NBAS: variants seen among roughly 807,000 people sequenced by gnomAD.
NBAS encodes NAG/BC035112 fusion.
In NBAS, 219 loss-of-function variants were observed where a neutral mutation model predicts 302.5. The ratio of observed to expected loss-of-function variants is 0.72; its 90% CI spans 0.65 to 0.81. The LOEUF is 0.81. NBAS is among the 30% of genes least tolerant of loss of function. The probability of loss-of-function intolerance (pLI) is 0.00; values close to 1 mark genes in which losing one functional copy is unlikely to be tolerated. For missense variants in NBAS, 2,932 were observed against 2,841.6 expected (o/e 1.03, Z -0.72); for synonymous variants, 1,118 against 1,021.6 (o/e 1.09, Z -1.80).
chr2:15,358,011 T>C lies in NBAS; in HGVS notation c.3818-1595A>G, dbSNP rs573439598. The stretch of plus-strand genomic sequence containing the variant: ...GGAAATGGACTTAAGAAAATCTAAA[T>C]ATCAAACTAAGGTTGTGGAGTGTCT... On this transcript the variant is annotated intron_variant, in intron 32 of 51. Coordinates refer to ENST00000281513, the MANE Select transcript of NBAS (RefSeq NM_015909.4). 7.9e-5 allele frequency among the ~76,000 whole-genome samples: 12 copies of C among 152,204 alleles called. 1 individual carries two copies. In the South Asian group the frequency reaches 1.5e-3, roughly 18 times the overall value.
At chr2:15,293,669 C>G (rs1176057256) in intron 40 of NBAS, among the ~76,000 whole-genome samples, 2 of 151,666 alleles carry the variant, frequency 1.3e-5, no homozygotes, top group African/African-American at 4.9e-5. Context: ...AAAGAATCTA[C>G]CTTTGGTTCT....
chr2:15,148,871 G>C, the NBAS span, among the ~76,000 whole-genome samples: 1 of 152,086 alleles, frequency 6.6e-6, no homozygotes, highest in Non-Finnish European at 1.5e-5. Flanking sequence ...TTTTGTGTTT[G>C]CCAAAATACT....
At chr2:15,385,269 C>T (rs1243468253) in intron 28 of NBAS, among the ~76,000 whole-genome samples, 1 of 152,180 alleles carries the variant, frequency 6.6e-6, no homozygotes, top group African/African-American at 2.4e-5. Flanking sequence ...AGATTGCTTA[C>T]AGGCAGAGAA....
At chr2:15,258,808 T>A (rs1668720434) in intron 44 of NBAS, among the ~76,000 whole-genome samples, 1 of 152,196 alleles carries the variant, frequency 6.6e-6, no homozygotes, top group Non-Finnish European at 1.5e-5. Context: ...AAGCATGTGA[T>A]CTTTGTTCTC....
intron 12 of NBAS, among the ~76,000 whole-genome samples, chr2:15,487,532 A>C (rs1261023096): frequency 6.6e-6 from 1 of 152,200 alleles, no homozygotes; most frequent in Non-Finnish European, 1.5e-5. Context: ...CTATGTACAG[A>C]GTGGACCCAT....
intron 9 of NBAS, among the ~76,000 whole-genome samples, chr2:15,518,760 A>G (rs577931987): frequency 7.2e-5 from 11 of 152,308 alleles, no homozygotes; most frequent in African/African-American, 2.2e-4. Flanking sequence ...ACAGCTCCAC[A>G]TGGCTGGGGA....
Position 15,461,201 on chromosome 2 carries a change from C to T in NBAS, c.2339G>A (p.Cys780Tyr), listed in dbSNP as rs573432112. 1.2e-6 allele frequency: 2 copies of T among 1,613,294 alleles called. No individual in the cohort carries two copies. The highest frequency in any genetic ancestry group is 2.2e-5 in the East Asian group (1 of 44,844). Reference sequence around the variant, plus strand: ...AAATTCTGTTAACATAGTCACATACCAAGCTTCGGGCAGCAAAACAGAATA... The same window carrying T: ...AAATTCTGTTAACATAGTCACATACTAAGCTTCGGGCAGCAAAACAGAATA... ...HEYSVLLPEA[C>Y]FNGDSLMIIP... The change falls in exon 21 of 52, where the codon TGT becomes TAT. Residue 780 changes from cysteine to tyrosine, a missense_variant and splice_region_variant. Coordinates refer to ENST00000281513, the MANE Select transcript of NBAS (RefSeq NM_015909.4).
At chr2:14,959,544 T>C in the NBAS span, among the ~76,000 whole-genome samples, 4 of 152,218 alleles carry the variant, frequency 2.6e-5, no homozygotes, top group African/African-American at 7.2e-5. Context: ...TTATGCTCCT[T>C]AAGAACACAC....
At chr2:15,395,987 C>T (rs1324308124) in intron 27 of NBAS, among the ~76,000 whole-genome samples, 1 of 151,992 alleles carries the variant, frequency 6.6e-6, no homozygotes, top group Non-Finnish European at 1.5e-5. Flanking sequence ...GTATTATGCC[C>T]TAAAAAGGGA....
chr2:15,461,654 C>A, intron 20 of NBAS, 33 bp downstream of exon 20: 1 of 1,233,250 alleles, frequency 8.1e-7, no homozygotes, highest in South Asian at 1.2e-5. Flanking sequence ...GTGTTAATAA[C>A]CATAATTATT....
chr2:15,350,115 G>C (rs1673279631), intron 35 of NBAS, among the ~76,000 whole-genome samples: 1 of 151,978 alleles, frequency 6.6e-6, no homozygotes, highest in Non-Finnish European at 1.5e-5. Context: ...ATTAAAAAAA[G>C]AGTTGTGAGA....
chr2:15,218,304 C>T (rs562541909), intron 48 of NBAS, among the ~76,000 whole-genome samples: 22 of 151,496 alleles, frequency 1.5e-4, no homozygotes, highest in South Asian at 2.1e-4. Flanking sequence ...AAATAAATTT[C>T]GTTGTACATA....
At chr2:14,846,597 A>C in the NBAS span, among the ~76,000 whole-genome samples, 3 of 152,252 alleles carry the variant, frequency 2.0e-5, no homozygotes, top group Non-Finnish European at 2.9e-5. Context: ...AGATGAACCA[A>C]TCAAAAATAA....
At chr2:15,035,285 C>T in the NBAS span, among the ~76,000 whole-genome samples, 3 of 152,136 alleles carry the variant, frequency 2.0e-5, no homozygotes, top group Non-Finnish European at 4.4e-5. Context: ...GAGATACCAT[C>T]TCAAGCCAGT....
intron 45 of NBAS, among the ~76,000 whole-genome samples, chr2:15,236,042 G>C (rs1667576421): frequency 6.6e-6 from 1 of 152,062 alleles, no homozygotes; most frequent in Non-Finnish European, 1.5e-5. Context: ...TAAATGCATG[G>C]GGTTGAAGGT....
chr2:15,153,228 T>A, the NBAS span, among the ~76,000 whole-genome samples: 10 of 152,236 alleles, frequency 6.6e-5, no homozygotes. Context: ...GTATGGTCAG[T>A]GATGCAGATG....
intron 24 of NBAS, among the ~76,000 whole-genome samples, chr2:15,416,722 C>T (rs1056210288): frequency 6.6e-6 from 1 of 150,776 alleles, no homozygotes. Flanking sequence ...AGGAGAATCG[C>T]TTGAACCCAG....
intron 21 of NBAS, among the ~76,000 whole-genome samples, chr2:15,453,915 A>G (rs1679133838): frequency 6.6e-6 from 1 of 151,972 alleles, no homozygotes; most frequent in South Asian, 2.1e-4. Flanking sequence ...AGTAGTTGGG[A>G]CTATAGCTGT....
chr2:15,396,539 A>C, intron 26 of NBAS, 64 bp from the exon 27 acceptor site: 1 of 1,121,336 alleles, frequency 8.9e-7, no homozygotes, highest in Non-Finnish European at 1.3e-6. Context: ...TAAATAAAAT[A>C]CAAAACTTAA....
Sources: gnomAD v4.1 joint callset for allele counts (sites outside exome capture counted in the v4.1 genomes callset) on GRCh38, gnomAD v4.1.1 for gene constraint, MANE v1.5 for transcripts, NCBI Gene and HGNC (gene_info 2026-07-23, HGNC 2026-07-21) for gene names.